BPTF: variants seen among roughly 807,000 people sequenced by gnomAD.
BPTF encodes the protein nucleosome-remodeling factor subunit BPTF.
Under a neutral mutation model 292.5 loss-of-function variants are expected in BPTF, and 18 were observed. That is an observed-to-expected ratio of 0.06 (90% CI 0.04 to 0.09). BPTF has a LOEUF of 0.09. Ranked by LOEUF, BPTF falls within the 10% of genes least tolerant of loss-of-function variation. The probability of loss-of-function intolerance (pLI) is 1.00; values close to 1 mark genes in which losing one functional copy is unlikely to be tolerated. For missense variants in BPTF, 2,726 were observed against 3,498.7 expected (o/e 0.78, Z 5.57); for synonymous variants, 1,225 against 1,251.9 (o/e 0.98, Z 0.45).
intron 3 of BPTF, among the ~76,000 whole-genome samples, chr17:67,871,026 C>G (rs1249514921): frequency 6.6e-6 from 1 of 152,098 alleles, no homozygotes; most frequent in Non-Finnish European, 1.5e-5. Context: ...CCGCCTCGGC[C>G]TCCCAAAGTG....
intron 3 of BPTF, among the ~76,000 whole-genome samples, chr17:67,872,056 C>T (rs1332703923): frequency 6.6e-6 from 1 of 152,038 alleles, no homozygotes; most frequent in Non-Finnish European, 1.5e-5. Flanking sequence ...AAACTTCTAG[C>T]CTCAAGGGAT....
intron 24 of BPTF, among the ~76,000 whole-genome samples, chr17:67,961,300 A>G (rs2059310984): frequency 6.6e-6 from 1 of 152,180 alleles, no homozygotes; most frequent in African/African-American, 2.4e-5. Context: ...TTTTGTCATT[A>G]TTAACACTTT....
At chr17:67,949,311 G>A (rs1036221971) in intron 23 of BPTF, among the ~76,000 whole-genome samples, 3 of 152,152 alleles carry the variant, frequency 2.0e-5, no homozygotes, top group African/African-American at 7.2e-5. Flanking sequence ...GTTGCAGTGA[G>A]CCTTGATCGC....
intron 14 of BPTF, among the ~76,000 whole-genome samples, chr17:67,923,373 A>C (rs569441289): frequency 6.6e-6 from 1 of 150,590 alleles, no homozygotes; most frequent in Non-Finnish European, 1.5e-5. Context: ...GAACACTTTA[A>C]TCATTTATTC....
chr17:67,909,111 A>G (rs1309180402), intron 9 of BPTF, among the ~76,000 whole-genome samples: 1 of 151,998 alleles, frequency 6.6e-6, no homozygotes, highest in African/African-American at 2.4e-5. Context: ...CTGGGATTAC[A>G]GGCATGAGCC....
At chr17:67,950,346 A>G (rs1309224723) in intron 23 of BPTF, among the ~76,000 whole-genome samples, 1 of 152,118 alleles carries the variant, frequency 6.6e-6, no homozygotes, top group African/African-American at 2.4e-5. Flanking sequence ...GAAACATTAG[A>G]GATCTTCCAG....
intron 1 of BPTF, among the ~76,000 whole-genome samples, chr17:67,851,521 A>G (rs548656571): frequency 6.6e-6 from 1 of 152,354 alleles, no homozygotes; most frequent in South Asian, 2.1e-4. Context: ...GCATGTTTTA[A>G]AAGTAGAAAG....
At chr17:67,862,471 A>G (rs1387842704) in intron 2 of BPTF, among the ~76,000 whole-genome samples, 1 of 152,154 alleles carries the variant, frequency 6.6e-6, no homozygotes, top group Non-Finnish European at 1.5e-5. Context: ...TGAGGCATAG[A>G]GAGTTTTAAG....
chr17:67,838,070 T>TG (rs2057272068), intron 1 of BPTF, among the ~76,000 whole-genome samples: 2 of 152,244 alleles, frequency 1.3e-5, no homozygotes, highest in Admixed American at 1.3e-4. Context: ...AACTTGTTCT[T>TG]AGGTTACCAA....
At chr17:67,965,637 G>C (rs1310367600) in intron 25 of BPTF, 3 of 151,126 alleles carry the variant, frequency 2.0e-5, no homozygotes, top group East Asian at 2.0e-4. Flanking sequence ...GGGAGGCAGA[G>C]GTTGCAGTGA....
chr17:67,977,891 G>C (rs1320269467), intron 27 of BPTF: 1 of 144,654 alleles, frequency 6.9e-6, no homozygotes, highest in African/African-American at 2.5e-5. Context: ...TTTCACTCTT[G>C]TTGCCCAGGC....
chr17:67,834,187 A>G (rs1430909548), intron 1 of BPTF, among the ~76,000 whole-genome samples: 1 of 152,186 alleles, frequency 6.6e-6, no homozygotes, highest in Non-Finnish European at 1.5e-5. Context: ...GACCATGTGC[A>G]TTAAGTGTTT....
Position 67,834,769 on chromosome 17 carries a change from T to G in BPTF, c.613+8432T>G, listed in dbSNP as rs1247976643. Among the ~76,000 whole-genome samples, 4 of 152,200 alleles carry G rather than the reference T, an allele frequency of 2.6e-5. No homozygotes were observed. In the East Asian group the frequency reaches 7.7e-4, roughly 29 times the overall value. ...GGCAGGGACAGTCTCATTCAGTCTC[T>G]GTAGTGCCTGGTTCAATCTCTTGAA... On this transcript the variant is annotated intron_variant, in intron 1 of 27. Coordinates refer to ENST00000306378, the MANE Select transcript of BPTF (RefSeq NM_182641.4).
At chr17:67,971,995 G>C (rs1302858405) in intron 26 of BPTF, among the ~76,000 whole-genome samples, 1 of 152,094 alleles carries the variant, frequency 6.6e-6, no homozygotes, top group Non-Finnish European at 1.5e-5. Flanking sequence ...TATTTCAAAA[G>C]TAGTGTGTTT....
chr17:67,927,954 G>C (rs1364505889), intron 15 of BPTF, among the ~76,000 whole-genome samples: 1 of 152,004 alleles, frequency 6.6e-6, no homozygotes, highest in African/African-American at 2.4e-5. Context: ...CATGATCTCA[G>C]CTTACTGCAA....
At chr17:67,940,040 A>G (rs1446072050) in intron 18 of BPTF, among the ~76,000 whole-genome samples, 6 of 150,226 alleles carry the variant, frequency 4.0e-5, no homozygotes, top group Non-Finnish European at 3.0e-5. Context: ...TATTTTGTTT[A>G]AAATTCATAT....
At chr17:67,982,230 C>A (rs1555696990) in intron 27 of BPTF, 22 bp from the exon 28 acceptor site, 2 of 1,606,096 alleles carry the variant, frequency 1.2e-6, no homozygotes, top group Non-Finnish European at 1.7e-6. Flanking sequence ...CTTAATTGTT[C>A]CCTTTTTTCT....
chr17:67,863,245 A>G (rs2059190254), intron 2 of BPTF, among the ~76,000 whole-genome samples: 1 of 152,102 alleles, frequency 6.6e-6, no homozygotes, highest in African/African-American at 2.4e-5. Flanking sequence ...TTACAAACAG[A>G]CACATCACTC....
intron 27 of BPTF, among the ~76,000 whole-genome samples, chr17:67,976,685 C>CAA (rs1156404121): frequency 0.018 from 435 of 24,714 alleles, 9 homozygotes; most frequent in African/African-American, 0.031. Context: ...GACCCTGTCT[C>CAA]AAAAAAAAAA....
Sources: allele counts gnomAD v4.1 joint callset (sites outside exome capture counted in the v4.1 genomes callset), GRCh38; gene constraint gnomAD v4.1.1; transcripts MANE v1.5; gene names NCBI Gene and HGNC (gene_info 2026-07-23, HGNC 2026-07-21).